RBM15B: variants seen among roughly 807,000 people sequenced by gnomAD.
The protein encoded by RBM15B is RNA binding motif protein 15B, also known as putative RNA-binding protein 15B.
A neutral mutation model predicts 53.3 loss-of-function variants in RBM15B; 11 were observed. The ratio of observed to expected loss-of-function variants is 0.21; its 90% confidence interval spans 0.13 to 0.34. The LOEUF is 0.34. RBM15B is among the 10% of genes least tolerant of loss of function. The pLI, the probability that RBM15B is intolerant of heterozygous loss-of-function variation, is 1.00. For missense variants in RBM15B, 1,136 were observed against 1,250.3 expected (o/e 0.91, Z 1.38); for synonymous variants, 631 against 540.7 (o/e 1.17, Z -2.32).
chr3:51,393,086 C>T lies in RBM15B; in HGVS notation c.1687C>T (p.Leu563Phe). Residue 563 changes from leucine to phenylalanine, a missense_variant, in exon 1 of 1, where the codon CTT becomes TTT. Leu to Phe is a conservative substitution (Grantham distance 22). Around this residue, in one of 7 missense-constraint regions of RBM15B, gnomAD observed 578 missense variants for 581.6 expected, o/e 0.99. Transcript: ENST00000563281. The surrounding 1 kb of genome is among the most constrained non-coding windows in gnomAD (Gnocchi z 5.6). The part of the protein sequence containing the change: ...PSKSSDRRNS[L>F]EGYSRSVRSR... Reference sequence around the variant, plus strand: ...TAAAAGCTCTGACCGCCGAAACAGCCTTGAGGGCTACAGTCGCTCAGTGCG... The same window carrying T: ...TAAAAGCTCTGACCGCCGAAACAGCTTTGAGGGCTACAGTCGCTCAGTGCG... 1.2e-6 allele frequency: 2 copies of T among 1,613,982 alleles called. No homozygotes were observed. Among genetic ancestry groups the T allele is most frequent in the Admixed American group, 1.7e-5 (1 of 60,018 alleles).
At position 51,393,460 on chromosome 3, in the gene RBM15B, T is replaced by C. The variant is rs372447073; in HGVS notation, c.2061T>C (p.Asn687=). The C allele has an allele frequency of 4.3e-6, 7 of 1,613,580 alleles. No individual in the cohort carries two copies. The African/African-American group carries it at 6.7e-5, about 15-fold the overall frequency. Residue 687 remains asparagine, a synonymous_variant, in exon 1 of 1, where the codon AAT becomes AAC. Transcript: ENST00000563281. This position sits in a 1 kb window ranked among gnomAD's most constrained non-coding sequence, Gnocchi z 5.6. ...AGAAGGCAAGAGACAGCGAGCGCAA[T>C]CACCGGACCACAGAGGCCGAGCCCA... The part of the protein sequence containing the change: ...HGKKARDSER[N]HRTTEAEPKP...
chr3:51,397,892 TTTACA>T lies in RBM15B; in HGVS notation c.*3824_*3828del, dbSNP rs1212019238. The T allele has an allele frequency of 6.0e-6, 1 of 166,660 alleles. No homozygotes were observed. The highest frequency in any genetic ancestry group is 2.4e-5 in the African/African-American group (1 of 41,390). The allele number at this position is 166,660 out of a possible 1,614,324, so 10.3% of individuals were successfully genotyped here. ...TTGTATTTTTTTTAAATAAATACAC[TTTACA>T]TTAAAGAAAAAGGCCTTTGATTTGT... On this transcript the variant is annotated 3_prime_UTR_variant, in exon 1 of 1. Transcript: ENST00000563281.
rs782542146 is a variant in RBM15B at position 51,395,846 on chromosome 3, A to G, written c.*1774A>G. 21 of 413,456 alleles carry G rather than the reference A, an allele frequency of 5.1e-5. No homozygotes were observed. The highest frequency in any genetic ancestry group is 7.5e-5 in the Non-Finnish European group (17 of 226,166). The allele number at this position is 413,456 out of a possible 1,614,324, so 25.6% of individuals were successfully genotyped here. A position where few individuals can be genotyped will look rare whatever the true frequency, so the allele number is the denominator to read the frequency against. On this transcript the variant is annotated 3_prime_UTR_variant, in exon 1 of 1. Transcript: ENST00000563281. ...GCCTCGCAAGAGAGCAAGCACGTTC[A>G]TAACAAAACAGCAACACAAAGACAT...
In RBM15B at chr3:51,393,172, A is replaced by G. The variant is rs2089068680; in HGVS notation, c.1773A>G (p.Glu591=). Residue 591 remains glutamate, a synonymous_variant, in exon 1 of 1, where the codon GAA becomes GAG. Transcript: ENST00000563281. The surrounding 1 kb of genome is among the most constrained non-coding windows in gnomAD (Gnocchi z 5.6). The part of the protein sequence containing the change: ...DGDRGLPKPW[E]ERRKRRSLSS... ...ACCGTGGTTTGCCCAAGCCCTGGGAAGAGAGGCGGAAACGGAGAAGCCTTT... is the reference window on the plus strand; with the variant it reads ...ACCGTGGTTTGCCCAAGCCCTGGGAGGAGAGGCGGAAACGGAGAAGCCTTT... 1.9e-6 allele frequency: 3 copies of G among 1,613,996 alleles called. No individual in the cohort carries two copies. The highest frequency in any genetic ancestry group is 2.5e-6 in the Non-Finnish European group (3 of 1,179,902).
Position 51,392,258 on chromosome 3 carries a change from G to A in RBM15B, c.859G>A (p.Ala287Thr). The A allele has an allele frequency of 6.3e-7, 1 of 1,597,572 alleles. No individual in the cohort carries two copies. Among genetic ancestry groups the A allele is most frequent in the Admixed American group, 1.7e-5 (1 of 58,858 alleles). ...TGCCCGTCACGCCGCCGCAGCCTTC[G>A]CCCTGGATGCCGCTGCTGCCGCCGC... is the stretch of plus-strand genomic sequence containing the variant. ...PRARHAAAAF[A>T]LDAAAAAAVG... Residue 287 changes from alanine (A) to threonine (T), a missense_variant, in exon 1 of 1, where the codon GCC becomes ACC. Physicochemically the swap from Ala to Thr is moderately conservative, Grantham distance 58. Transcript: ENST00000563281. This position sits in a 1 kb window ranked among gnomAD's most constrained non-coding sequence, Gnocchi z 7.5.
Position 51,393,484 on chromosome 3 carries a change from C to T in RBM15B, c.2085C>T (p.Pro695=). The change falls in exon 1 of 1, where the codon CCC becomes CCT. Residue 695 remains proline (P), a synonymous_variant. Coordinates refer to ENST00000563281, the MANE Select transcript of RBM15B (RefSeq NM_013286.5). This position sits in a 1 kb window ranked among gnomAD's most constrained non-coding sequence, Gnocchi z 5.6. ...ERNHRTTEAE[P]KPLEEPKHET... is the part of the protein sequence containing the mutation. ...ATCACCGGACCACAGAGGCCGAGCC[C>T]AAGCCTCTGGAAGAGCCAAAACACG... 1.2e-6 allele frequency: 2 copies of T among 1,613,734 alleles called. No individual in the cohort carries two copies. Among genetic ancestry groups the T allele is most frequent in the Non-Finnish European group, 1.7e-6 (2 of 1,179,948 alleles).
rs1474848435 is a variant in RBM15B, at chr3:51,396,249, A to ACTT, written c.*2179_*2181dup. On this transcript the variant is annotated 3_prime_UTR_variant, in exon 1 of 1. Transcript: ENST00000563281. ...GCTAGAAAACGTGCCTAGAGAAGACACTTCAACCTTTGCCTTATCCAACCC... is the reference window on the plus strand; with the variant it reads ...GCTAGAAAACGTGCCTAGAGAAGACACTTCTTCAACCTTTGCCTTATCCAACCC... 3.9e-6 allele frequency: 1 copy of ACTT among 257,438 alleles called. No individual in the cohort carries two copies. The highest frequency in any genetic ancestry group is 2.2e-5 in the African/African-American group (1 of 44,984). 15.9% of individuals were successfully genotyped at this position (257,438 alleles called of 1,614,324 possible). A position where few individuals can be genotyped will look rare whatever the true frequency, so the allele number is the denominator to read the frequency against.
Position 51,393,710 on chromosome 3 carries a change from C to CT in RBM15B, c.2312dup (p.Asp772GlyfsTer6). 6.2e-7 allele frequency: 1 copy of CT among 1,613,508 alleles called. No homozygotes were observed. The highest frequency in any genetic ancestry group is 8.5e-7 in the Non-Finnish European group (1 of 1,179,840). On this transcript the variant is annotated frameshift_variant, in exon 1 of 1. Coordinates refer to ENST00000563281, the MANE Select transcript of RBM15B (RefSeq NM_013286.5). LOFTEE classifies it high-confidence loss of function. The surrounding 1 kb of genome is among the most constrained non-coding windows in gnomAD (Gnocchi z 5.6). The stretch of plus-strand genomic sequence containing the variant: ...GCTGAAGATCGCCCAGCGCCTTCGA[C>CT]TGGACCAGCCCAAGCTTGACGAGGT...
chr3:51,396,069 C>T lies in RBM15B; in HGVS notation c.*1997C>T, dbSNP rs78691708. On this transcript the variant is annotated 3_prime_UTR_variant, in exon 1 of 1. Coordinates refer to ENST00000563281, the MANE Select transcript of RBM15B (RefSeq NM_013286.5). ...GGTTTTCCTGCAGCTCTCCAACAAA[C>T]GCCTGAGTCACAGGCCAGAGCTGCC... is the stretch of plus-strand genomic sequence containing the variant. 2.0e-3 allele frequency: 818 copies of T among 411,402 alleles called. 6 individuals carry two copies. The highest frequency in any genetic ancestry group is 0.015 in the African/African-American group (739 of 48,702). The allele number at this position is 411,402 out of a possible 1,614,324, so 25.5% of individuals were successfully genotyped here. A position where few individuals can be genotyped will look rare whatever the true frequency, so the allele number is the denominator to read the frequency against.
At position 51,392,174 on chromosome 3, in the gene RBM15B, T is replaced by C; in HGVS notation, c.775T>C (p.Tyr259His). The C allele has an allele frequency of 6.5e-7, 1 of 1,538,906 alleles. No homozygotes were observed. The highest frequency in any genetic ancestry group is 8.7e-7 in the Non-Finnish European group (1 of 1,147,286). The change falls in exon 1 of 1, where the codon TAC becomes CAC. Residue 259 changes from tyrosine (Y) to histidine (H), a missense_variant. Tyr to His is a moderately conservative substitution (Grantham distance 83, BLOSUM62 2). Coordinates refer to ENST00000563281, the MANE Select transcript of RBM15B (RefSeq NM_013286.5). This position sits in a 1 kb window ranked among gnomAD's most constrained non-coding sequence, Gnocchi z 7.5. ...CGGCTACCTCCCGCTACACGGAGGCTACCAGTACAAGCAGCGCTCGCTGTC... is the reference window on the plus strand; with the variant it reads ...CGGCTACCTCCCGCTACACGGAGGCCACCAGTACAAGCAGCGCTCGCTGTC... ...PLGYLPLHGG[Y>H]QYKQRSLSPV...
rs143973033 is a variant in RBM15B at position 51,393,977 on chromosome 3, G to A, written c.2578G>A (p.Asp860Asn). 39 of 1,513,714 alleles carry A rather than the reference G, an allele frequency of 2.6e-5. No individual in the cohort carries two copies. The highest frequency in any genetic ancestry group is 3.4e-5 in the Non-Finnish European group (38 of 1,131,816). The allele number at this position is 1,513,714 out of a possible 1,614,324, so 93.8% of individuals were successfully genotyped here. The change falls in exon 1 of 1, where the codon GAC (aspartate) becomes AAC (asparagine). Residue 860 changes from aspartate (D) to asparagine (N), a missense_variant. Asp to Asn is a conservative substitution (Grantham distance 23). This residue lies in a region of RBM15B where 578 missense variants were observed against 581.6 expected (regional missense o/e 0.99). Coordinates refer to ENST00000563281, the MANE Select transcript of RBM15B (RefSeq NM_013286.5). This position sits in a 1 kb window ranked among gnomAD's most constrained non-coding sequence, Gnocchi z 5.6. ...TGMLYAFPPC[D>N]FSQQYLQSAL... ...CATGCTCTACGCCTTCCCACCCTGC[G>A]ACTTTTCCCAGCAGTACCTCCAGTC... is the stretch of plus-strand genomic sequence containing the variant.
chr3:51,393,770 T>C lies in RBM15B; in HGVS notation c.2371T>C (p.Tyr791His). The change falls in exon 1 of 1, where the codon TAT becomes CAT. Residue 791 changes from tyrosine to histidine, a missense_variant. This residue lies in a region of RBM15B where 578 missense variants were observed against 581.6 expected (regional missense o/e 0.99). Transcript: ENST00000563281. This position sits in a 1 kb window ranked among gnomAD's most constrained non-coding sequence, Gnocchi z 5.6. ...CATCAAGCAGGGGAGCCCCAACGGC[T>C]ATGCGGTCCTCTTAGCCACCCAGGC... The part of the protein sequence containing the change: ...RRIKQGSPNG[Y>H]AVLLATQATP... The C allele has an allele frequency of 1.2e-6, 2 of 1,613,850 alleles. No homozygotes were observed. The highest frequency in any genetic ancestry group is 1.7e-6 in the Non-Finnish European group (2 of 1,180,030).
Position 51,391,332 on chromosome 3 carries a change from C to A in RBM15B, c.-68C>A, listed in dbSNP as rs1214438428. 8.6e-7 allele frequency: 1 copy of A among 1,168,936 alleles called. No individual in the cohort carries two copies. 72.4% of individuals were successfully genotyped at this position (1,168,936 alleles called of 1,614,324 possible). ...ATGGCGGCGCCGGGGGCGCTGCCTCCTCGGCCGCCGCCTCCGCCGCCGCCG... is the reference window on the plus strand; with the variant it reads ...ATGGCGGCGCCGGGGGCGCTGCCTCATCGGCCGCCGCCTCCGCCGCCGCCG... On this transcript the variant is annotated 5_prime_UTR_variant, in exon 1 of 1. Coordinates refer to ENST00000563281, the MANE Select transcript of RBM15B (RefSeq NM_013286.5). This position sits in a 1 kb window ranked among gnomAD's most constrained non-coding sequence, Gnocchi z 4.5.
Position 51,395,421 on chromosome 3 carries a change from T to G in RBM15B, c.*1349T>G, listed in dbSNP as rs1577022498. The G allele has an allele frequency of 5.4e-6, 1 of 184,168 alleles. No homozygotes were observed. Among genetic ancestry groups the G allele is most frequent in the Admixed American group, 6.4e-5 (1 of 15,704 alleles). 11.4% of individuals were successfully genotyped at this position (184,168 alleles called of 1,614,324 possible). A position where few individuals can be genotyped will look rare whatever the true frequency, so the allele number is the denominator to read the frequency against. On this transcript the variant is annotated 3_prime_UTR_variant, in exon 1 of 1. Transcript: ENST00000563281. ...TGGGAAGAAGGGTGAGATTCCGTCTTCTTCCCTGTCTCAAGTAAGTAAGGA... is the reference window on the plus strand; with the variant it reads ...TGGGAAGAAGGGTGAGATTCCGTCTGCTTCCCTGTCTCAAGTAAGTAAGGA...
rs2089037551 is a variant in RBM15B, at chr3:51,391,617, C to G, written c.218C>G (p.Thr73Ser). ...GGCGGGCATCGCGACGGCCGCGGCA[C>G]CGGGGACGCGAATCACCGCGCGAGT... ...GGGGHRDGRGTGDANHRASSG... is the reference protein window; with the variant it reads ...GGGGHRDGRGSGDANHRASSG... Residue 73 changes from threonine (T) to serine (S), a missense_variant, in exon 1 of 1, where the codon ACC (threonine) becomes AGC (serine). Thr to Ser is a moderately conservative substitution (Grantham distance 58). Coordinates refer to ENST00000563281, the MANE Select transcript of RBM15B (RefSeq NM_013286.5). This position sits in a 1 kb window ranked among gnomAD's most constrained non-coding sequence, Gnocchi z 4.5. 3 of 1,184,250 alleles carry G rather than the reference C, an allele frequency of 2.5e-6. No homozygotes were observed. The Admixed American group carries it at 1.4e-4, about 54-fold the overall frequency. 73.4% of individuals were successfully genotyped at this position (1,184,250 alleles called of 1,614,324 possible).
Position 51,397,625 on chromosome 3 carries a change from TC to T in RBM15B, c.*3555del, listed in dbSNP as rs1398693052. 6.0e-6 allele frequency: 1 copy of T among 167,034 alleles called. No homozygotes were observed. Among genetic ancestry groups the T allele is most frequent in the Non-Finnish European group, 1.5e-5 (1 of 68,126 alleles). 10.3% of individuals were successfully genotyped at this position (167,034 alleles called of 1,614,324 possible). ...AGGGAACAAAGCCCTGACCTCTCTCTCCACATTACCCTTACAAAAACAGGCC... is the reference window on the plus strand; with the variant it reads ...AGGGAACAAAGCCCTGACCTCTCTCTCACATTACCCTTACAAAAACAGGCC... On this transcript the variant is annotated 3_prime_UTR_variant, in exon 1 of 1. Transcript: ENST00000563281.
chr3:51,392,086 T>C lies in RBM15B; in HGVS notation c.687T>C (p.Ser229=). 6.4e-7 allele frequency: 1 copy of C among 1,551,668 alleles called. No individual in the cohort carries two copies. Among genetic ancestry groups the C allele is most frequent in the South Asian group, 1.2e-5 (1 of 86,694 alleles). ...GCGGCGGCGGGAGCAGTCGGCGAAG[T>C]AGCAGCAGCAGCGCCGCCGCTTCCA... The part of the protein sequence containing the change: ...LRGGGGSSRR[S]SSSSAAASTP... Residue 229 remains serine (S), a synonymous_variant, in exon 1 of 1, where the codon AGT becomes AGC. Coordinates refer to ENST00000563281, the MANE Select transcript of RBM15B (RefSeq NM_013286.5). The surrounding 1 kb of genome is among the most constrained non-coding windows in gnomAD (Gnocchi z 7.5).
At position 51,394,758 on chromosome 3, in the gene RBM15B, G is replaced by C. The variant is rs1384876755; in HGVS notation, c.*686G>C. The C allele has an allele frequency of 6.0e-6, 1 of 167,132 alleles. No individual in the cohort carries two copies. The highest frequency in any genetic ancestry group is 1.5e-5 in the Non-Finnish European group (1 of 68,202). 10.4% of individuals were successfully genotyped at this position (167,132 alleles called of 1,614,324 possible). On this transcript the variant is annotated 3_prime_UTR_variant, in exon 1 of 1. Coordinates refer to ENST00000563281, the MANE Select transcript of RBM15B (RefSeq NM_013286.5). ...GAGCTGTGGCTGTTTGTTTGGGACA[G>C]AGTGCCCACTCAGCATGTTTGGCAG...
rs1577019805 is a variant in RBM15B at position 51,393,053 on chromosome 3, A to T, written c.1654A>T (p.Ser552Cys). The change falls in exon 1 of 1, where the codon AGC becomes TGC. Residue 552 changes from serine (S) to cysteine (C), a missense_variant. Physicochemically the swap from Ser to Cys is moderately radical, Grantham distance 112. Transcript: ENST00000563281. The surrounding 1 kb of genome is among the most constrained non-coding windows in gnomAD (Gnocchi z 5.6). ...DRTFLEGDWT[S>C]PSKSSDRRNS... ...GACTTTTTTGGAAGGGGACTGGACCAGCCCCAGTAAAAGCTCTGACCGCCG... is the reference window on the plus strand; with the variant it reads ...GACTTTTTTGGAAGGGGACTGGACCTGCCCCAGTAAAAGCTCTGACCGCCG... The T allele has an allele frequency of 6.2e-7, 1 of 1,613,834 alleles. No individual in the cohort carries two copies. Among genetic ancestry groups the T allele is most frequent in the East Asian group, 2.2e-5 (1 of 44,874 alleles).
Sources: allele counts gnomAD v4.1 joint callset, GRCh38; gene constraint gnomAD v4.1.1; regional missense constraint gnomAD v4.1.1; non-coding constraint Gnocchi (gnomAD v3.1); transcripts MANE v1.5; gene names NCBI Gene and HGNC (gene_info 2026-07-23, HGNC 2026-07-21).